NT5C2: variants seen among roughly 807,000 people sequenced by gnomAD.
NT5C2 encodes 5'-nucleotidase, cytosolic II, also known as cytosolic purine 5'-nucleotidase.
Under a neutral mutation model 76.1 loss-of-function variants are expected in NT5C2, and 58 were observed. That is an observed-to-expected ratio of 0.76 (90% CI 0.62 to 0.95). The LOEUF (loss-of-function observed/expected upper bound fraction) is 0.95. Among genes scored for constraint, NT5C2 ranks in the 40% least tolerant of loss-of-function variants. The pLI is 0.00. For synonymous variants in NT5C2, 229 were observed against 237.4 expected (o/e 0.96, Z 0.32); for missense variants, 478 against 690.3 (o/e 0.69, Z 3.45).
chr10:103,090,070 C>T, intron 18 of NT5C2, 162 bp from the exon 19 acceptor site: 1 of 516,502 alleles, frequency 1.9e-6, no homozygotes, highest in Non-Finnish European at 3.3e-6. Flanking sequence ...CTTATAGTTG[C>T]CTGTCTTCCT....
At chr10:103,130,419 G>T (rs1216799330) in intron 4 of NT5C2, among the ~76,000 whole-genome samples, 1 of 150,844 alleles carries the variant, frequency 6.6e-6, no homozygotes, top group Non-Finnish European at 1.5e-5. Context: ...AAACACTGCG[G>T]AAGGCCGCAG....
At chr10:103,129,528 G>A (rs1591226525) in intron 4 of NT5C2, among the ~76,000 whole-genome samples, 1 of 128,966 alleles carries the variant, frequency 7.8e-6, no homozygotes, top group South Asian at 2.6e-4. Context: ...GGGAGGTGGG[G>A]GGGTCAGCCC....
At chr10:103,169,556 C>T (rs2087303856) in intron 3 of NT5C2, 1 of 152,118 alleles carries the variant, frequency 6.6e-6, no homozygotes. Context: ...GAAGTTAAGG[C>T]TATAGTGAGC....
chr10:103,133,995 T>C (rs922967455), intron 4 of NT5C2, among the ~76,000 whole-genome samples: 1 of 152,108 alleles, frequency 6.6e-6, no homozygotes, highest in Non-Finnish European at 1.5e-5. Context: ...GGGTATCTGA[T>C]GGAAGAAATT....
intron 16 of NT5C2, 103 bp downstream of exon 16, chr10:103,091,461 T>C: frequency 1.1e-6 from 1 of 884,428 alleles, no homozygotes. Flanking sequence ...TTCTCCTGCC[T>C]CAGCCTCCCA....
At chr10:103,109,647 G>T (rs2072401970) in intron 4 of NT5C2, among the ~76,000 whole-genome samples, 1 of 152,136 alleles carries the variant, frequency 6.6e-6, no homozygotes, top group African/African-American at 2.4e-5. Flanking sequence ...TGCTGGATAT[G>T]CCTTAAGAGT....
At chr10:103,174,524 T>C (rs562365366) in intron 3 of NT5C2, among the ~76,000 whole-genome samples, 7 of 152,256 alleles carry the variant, frequency 4.6e-5, no homozygotes, top group African/African-American at 7.2e-5. Flanking sequence ...TTAGCCAAGA[T>C]TGCGCCATTG....
At chr10:103,152,834 T>C (rs2082633921) in intron 3 of NT5C2, among the ~76,000 whole-genome samples, 1 of 152,196 alleles carries the variant, frequency 6.6e-6, no homozygotes, top group African/African-American at 2.4e-5. Flanking sequence ...GGAATTCTAC[T>C]CTAAATTATT....
At chr10:103,125,109 A>G in intron 4 of NT5C2, 1 of 456,548 alleles carries the variant, frequency 2.2e-6, no homozygotes, top group Non-Finnish European at 4.0e-6. Context: ...AGTACAATGA[A>G]ACCAAACTGG....
At chr10:103,103,766 C>T (rs1158047586) in intron 6 of NT5C2, among the ~76,000 whole-genome samples, 2 of 152,158 alleles carry the variant, frequency 1.3e-5, no homozygotes, top group African/African-American at 4.8e-5. Flanking sequence ...CCTTCTTTTC[C>T]AGCCTTGTCT....
chr10:103,176,026 G>A (rs144457274), intron 2 of NT5C2: 55 of 174,216 alleles, frequency 3.2e-4, no homozygotes, highest in Non-Finnish European at 6.1e-4. Context: ...AGAAGCCCCA[G>A]GCTACAGAGA....
intron 3 of NT5C2, among the ~76,000 whole-genome samples, chr10:103,156,026 T>TCC (rs976877087): frequency 2.0e-5 from 3 of 151,716 alleles, no homozygotes; most frequent in African/African-American, 4.8e-5. Context: ...ATTAGCCAGG[T>TCC]ATGGTGGCAT....
At position 103,174,983 on chromosome 10, in the gene NT5C2, C is replaced by A; in HGVS notation, c.-24-1G>T. The A allele has an allele frequency of 6.8e-7, 1 of 1,470,450 alleles. No homozygotes were observed. Among genetic ancestry groups the A allele is most frequent in the Middle Eastern group, 1.7e-4 (1 of 5,812 alleles). The allele number at this position is 1,470,450 out of a possible 1,614,324, so 91.1% of individuals were successfully genotyped here. A position where few individuals can be genotyped will look rare whatever the true frequency, so the allele number is the denominator to read the frequency against. On this transcript the variant is annotated splice_acceptor_variant, in intron 2 of 18. Coordinates refer to ENST00000404739, the MANE Select transcript of NT5C2 (RefSeq NM_001351169.2). LOFTEE classifies it low-confidence loss of function (5UTR_SPLICE). ...TTTTATTTTAACTGTATTTTGTATT[C>A]TAGAAAAGAAAATCATTAATTTAGT...
At chr10:103,179,800 G>A (rs546613479) in intron 2 of NT5C2, among the ~76,000 whole-genome samples, 2 of 152,196 alleles carry the variant, frequency 1.3e-5, no homozygotes, top group South Asian at 2.1e-4. Context: ...ATATGCATAT[G>A]CAAAAGATTT....
intron 6 of NT5C2, among the ~76,000 whole-genome samples, chr10:103,105,106 A>G (rs2070874639): frequency 6.6e-6 from 1 of 152,194 alleles, no homozygotes; most frequent in Non-Finnish European, 1.5e-5. Context: ...TACTAGGGTA[A>G]AAAGTTCAAA....
chr10:103,173,254 G>A (rs548949162), intron 3 of NT5C2, among the ~76,000 whole-genome samples: 2 of 152,264 alleles, frequency 1.3e-5, no homozygotes, highest in South Asian at 4.1e-4. Flanking sequence ...CTAACACACA[G>A]TAGCCAGCAG....
chr10:103,120,100 A>G (rs1236656073), intron 4 of NT5C2, among the ~76,000 whole-genome samples: 1 of 147,886 alleles, frequency 6.8e-6, no homozygotes, highest in Admixed American at 6.7e-5. Context: ...CCCTGTTTCA[A>G]AAAAAAAAAA....
chr10:103,154,111 C>T (rs1013833939), intron 3 of NT5C2, among the ~76,000 whole-genome samples: 1 of 152,104 alleles, frequency 6.6e-6, no homozygotes, highest in Non-Finnish European at 1.5e-5. Flanking sequence ...ATTCCTGCCT[C>T]CCGACCAATA....
intron 3 of NT5C2, among the ~76,000 whole-genome samples, chr10:103,148,243 ATTTGT>A (rs1330388064): frequency 2.0e-5 from 3 of 152,174 alleles, no homozygotes; most frequent in African/African-American, 4.8e-5. Context: ...CTTCTTACTA[ATTTGT>A]TTTAACATTT....
Sources: gnomAD v4.1 joint callset for allele counts (sites outside exome capture counted in the v4.1 genomes callset) on GRCh38, gnomAD v4.1.1 for gene constraint, MANE v1.5 for transcripts, NCBI Gene and HGNC (gene_info 2026-07-23, HGNC 2026-07-21) for gene names.